MTUS2: variants seen among roughly 807,000 people sequenced by gnomAD.
MTUS2 encodes microtubule associated scaffold protein 2.
Under a neutral mutation model 114.1 loss-of-function variants are expected in MTUS2, and 40 were observed. That is an observed-to-expected ratio of 0.35 (90% CI 0.27 to 0.46). The LOEUF (loss-of-function observed/expected upper bound fraction) is 0.46. MTUS2 is among the 20% of genes least tolerant of loss of function. MTUS2 has a pLI of 1.00. For missense variants in MTUS2, 1,679 were observed against 1,705.4 expected, an observed-to-expected ratio of 0.98 and a Z score of 0.27; for synonymous variants, 688 against 672.0, an observed-to-expected ratio of 1.02 and a Z score of -0.37.
chr13:29,386,223 C>G (rs186775516), intron 8 of MTUS2, among the ~76,000 whole-genome samples: 24 of 152,256 alleles, frequency 1.6e-4, no homozygotes, highest in Non-Finnish European at 2.8e-4. Flanking sequence ...TTATTCAGGA[C>G]TATTGTGATC....
intron 5 of MTUS2, among the ~76,000 whole-genome samples, chr13:29,222,932 G>A (rs533377484): frequency 6.6e-6 from 1 of 152,174 alleles, no homozygotes; most frequent in Non-Finnish European, 1.5e-5. Flanking sequence ...GAGCTGTCTC[G>A]GCCCCCTCTG....
At chr13:28,853,608 G>A (rs2138039177) in intron 2 of MTUS2, among the ~76,000 whole-genome samples, 1 of 152,256 alleles carries the variant, frequency 6.6e-6, no homozygotes, top group Middle Eastern at 3.4e-3. Context: ...ATATGTGTAT[G>A]GGATTAAGTA....
Position 29,281,699 on chromosome 13 carries a change from C to A in MTUS2, c.2645-5C>A. The A allele has an allele frequency of 6.2e-7, 1 of 1,601,256 alleles. No individual in the cohort carries two copies. The highest frequency in any genetic ancestry group is 8.5e-7 in the Non-Finnish European group (1 of 1,171,486). On this transcript the variant is annotated splice_polypyrimidine_tract_variant and splice_region_variant and intron_variant, in intron 5 of 15. Coordinates refer to ENST00000612955, the MANE Select transcript of MTUS2 (RefSeq NM_001033602.4). ...TATAATTAACACGCTGTCTGCCTCC[C>A]ACAGGTTCAACCTTTGGGAATGAAG...
chr13:28,909,762 T>G (rs1311255334), intron 2 of MTUS2, among the ~76,000 whole-genome samples: 4 of 152,164 alleles, frequency 2.6e-5, no homozygotes, highest in Non-Finnish European at 5.9e-5. Context: ...GATGTCATGA[T>G]TGTACATCTA....
intron 2 of MTUS2, among the ~76,000 whole-genome samples, chr13:28,972,540 A>G (rs892515909): frequency 6.6e-6 from 1 of 152,150 alleles, no homozygotes; most frequent in African/African-American, 2.4e-5. Flanking sequence ...TAGTTTCTCA[A>G]AGGGTCAAAT....
intron 5 of MTUS2, among the ~76,000 whole-genome samples, chr13:29,108,469 T>A (rs1332838989): frequency 1.3e-5 from 2 of 152,228 alleles, no homozygotes; most frequent in Non-Finnish European, 2.9e-5. Context: ...GTTGAACTGC[T>A]TCAGTGTTCT....
At chr13:29,041,940 A>G (rs1359043192) in intron 4 of MTUS2, among the ~76,000 whole-genome samples, 1 of 152,140 alleles carries the variant, frequency 6.6e-6, no homozygotes. Context: ...GTCTTTACTG[A>G]TTTGGATGCC....
chr13:29,195,139 C>T lies in MTUS2; in HGVS notation c.2645-86565C>T, dbSNP rs1374050259. On this transcript the variant is annotated intron_variant, in intron 5 of 15. Transcript: ENST00000612955. ...GGATAGCATTAGGAGATATACCTAA[C>T]GCTAAATGACGAGTTAATGGGTGCA... is the stretch of plus-strand genomic sequence containing the variant. 5.0e-4 allele frequency among the ~76,000 whole-genome samples: 75 copies of T among 150,532 alleles called. 1 individual carries two copies. The highest frequency in any genetic ancestry group is 8.6e-4 in the Admixed American group (13 of 15,088).
intron 5 of MTUS2, among the ~76,000 whole-genome samples, chr13:29,205,058 T>C (rs1421114925): frequency 2.0e-5 from 3 of 152,140 alleles, no homozygotes; most frequent in Non-Finnish European, 4.4e-5. Flanking sequence ...CCTTTAAAGG[T>C]AGAAGACAGA....
chr13:28,994,669 T>C (rs570299764), intron 2 of MTUS2, among the ~76,000 whole-genome samples: 3 of 152,378 alleles, frequency 2.0e-5, no homozygotes, highest in African/African-American at 7.2e-5. Context: ...GAACGTTTTT[T>C]CATGTGTTTT....
At chr13:28,887,513 A>G (rs879941222) in intron 2 of MTUS2, among the ~76,000 whole-genome samples, 1 of 152,164 alleles carries the variant, frequency 6.6e-6, no homozygotes, top group Non-Finnish European at 1.5e-5. Context: ...ACACCACTGC[A>G]TGGTTTTGGG....
chr13:29,207,602 A>C (rs995851969), intron 5 of MTUS2, among the ~76,000 whole-genome samples: 15 of 152,084 alleles, frequency 9.9e-5, no homozygotes, highest in African/African-American at 2.7e-4. Context: ...TATCCTTTCT[A>C]TGCTAATTTT....
intron 4 of MTUS2, among the ~76,000 whole-genome samples, chr13:29,066,026 C>T (rs76158941): frequency 3.9e-5 from 6 of 152,184 alleles, no homozygotes; most frequent in East Asian, 1.9e-4. Flanking sequence ...ACAGTGGCCT[C>T]GATTCAGTTC....
At chr13:29,130,474 A>G (rs1417873490) in intron 5 of MTUS2, among the ~76,000 whole-genome samples, 1 of 152,078 alleles carries the variant, frequency 6.6e-6, no homozygotes, top group Non-Finnish European at 1.5e-5. Context: ...TCACCTTCCC[A>G]GTGAGGCCTG....
intron 8 of MTUS2, among the ~76,000 whole-genome samples, chr13:29,379,557 T>A (rs79944702): frequency 0.027 from 4,155 of 152,204 alleles, 179 homozygotes; most frequent in African/African-American, 0.094. Context: ...TCTGGGTCCC[T>A]CCAGATGAGC....
intron 5 of MTUS2, among the ~76,000 whole-genome samples, chr13:29,204,613 A>G (rs1404018757): frequency 6.6e-6 from 1 of 152,200 alleles, no homozygotes; most frequent in East Asian, 1.9e-4. Flanking sequence ...GGAGCGGAGG[A>G]TGGGCCTGGA....
At chr13:28,860,766 TCTC>T (rs1253262420) in intron 2 of MTUS2, among the ~76,000 whole-genome samples, 2 of 152,164 alleles carry the variant, frequency 1.3e-5, no homozygotes, top group Non-Finnish European at 2.9e-5. Context: ...ATATGTCAAC[TCTC>T]CTCCTGTCAC....
intron 5 of MTUS2, among the ~76,000 whole-genome samples, chr13:29,151,015 G>A (rs919031127): frequency 6.6e-6 from 1 of 152,044 alleles, no homozygotes; most frequent in Non-Finnish European, 1.5e-5. Flanking sequence ...GATTGCTTTG[G>A]TTATTTGGGC....
intron 2 of MTUS2, among the ~76,000 whole-genome samples, chr13:28,929,993 T>A (rs2138085103): frequency 6.6e-6 from 1 of 152,146 alleles, no homozygotes; most frequent in Admixed American, 6.5e-5. Flanking sequence ...CCTGAGGACA[T>A]GGAGATGTGC....
Sources: gnomAD v4.1 joint callset for allele counts (sites outside exome capture counted in the v4.1 genomes callset) on GRCh38, gnomAD v4.1.1 for gene constraint, MANE v1.5 for transcripts, NCBI Gene and HGNC (gene_info 2026-07-23, HGNC 2026-07-21) for gene names.